The following CARD19 variants were observed in gnomAD, a reference collection of about 807,000 sequenced individuals.
CARD19 encodes the protein caspase recruitment domain-containing protein 19.
Under a neutral mutation model 24.1 loss-of-function variants are expected in CARD19, and 25 were observed. The ratio of observed to expected loss-of-function variants is 1.04; its 90% CI spans 0.76 to 1.45. The LOEUF is 1.45. CARD19 is among the 40% of genes most tolerant of loss of function. The pLI, the probability that CARD19 is intolerant of heterozygous loss-of-function variation, is 0.00. For missense variants in CARD19, 241 were observed against 247.4 expected (o/e 0.97, Z 0.17); for synonymous variants, 103 against 104.9 (o/e 0.98, Z 0.11).
rs145273328 is a variant in CARD19, at chr9:93,110,681, C to A, written c.264C>A (p.Ala88=). 408 of 1,613,184 alleles carry A rather than the reference C, an allele frequency of 2.5e-4. 1 individual carries two copies. The African/African-American group carries it at 4.0e-3, about 16-fold the overall frequency. Residue 88 remains alanine, a synonymous_variant, in exon 3 of 6, where the codon GCC becomes GCA. Coordinates refer to ENST00000375464, the MANE Select transcript of CARD19 (RefSeq NM_032310.5). Reference sequence around the variant, plus strand: ...TCTACCGAGCCCTGTATATCCATGCCCAGCCCCTGCACAGCCGCCTGCCCA... The same window carrying A: ...TCTACCGAGCCCTGTATATCCATGCACAGCCCCTGCACAGCCGCCTGCCCA... ...QEFYRALYIH[A]QPLHSRLPSR... is the part of the protein sequence containing the mutation.
chr9:93,110,063 A>T (rs544175281), intron 2 of CARD19: 1 of 159,604 alleles, frequency 6.3e-6, no homozygotes, highest in Non-Finnish European at 1.4e-5. Context: ...GCACGATCTT[A>T]GCTCACTGCA....
At position 93,107,801 on chromosome 9, in the gene CARD19, C is replaced by G. The variant is rs776834504; in HGVS notation, c.135C>G (p.Asn45Lys). 1.9e-6 allele frequency: 3 copies of G among 1,614,232 alleles called. No individual in the cohort carries two copies. Among genetic ancestry groups the G allele is most frequent in the Non-Finnish European group, 2.5e-6 (3 of 1,180,046 alleles). ...GTTACTACCCACAGATCCTTACCAA[C>G]AAGGAGGCGGAAAAGGTGCTGAGGA... ...LNRYYPQILT[N>K]KEAEKFRNPK... Residue 45 changes from asparagine (N) to lysine (K), a missense_variant, in exon 2 of 6, where the codon AAC becomes AAG. Transcript: ENST00000375464.
At chr9:93,112,383 C>A in intron 5 of CARD19, 94 bp downstream of exon 5, 1 of 988,986 alleles carries the variant, frequency 1.0e-6, no homozygotes, top group Non-Finnish European at 1.5e-6. Context: ...ACCCCTTGGC[C>A]TCTTCGTACC....
At position 93,113,242 on chromosome 9, in the gene CARD19, C is replaced by T; in HGVS notation, c.*135C>T. 1.7e-6 allele frequency: 1 copy of T among 597,202 alleles called. No homozygotes were observed. The highest frequency in any genetic ancestry group is 2.9e-6 in the Non-Finnish European group (1 of 342,604). 37.0% of individuals were successfully genotyped at this position (597,202 alleles called of 1,614,324 possible). A position where few individuals can be genotyped will look rare whatever the true frequency, so the allele number is the denominator to read the frequency against. ...AATTTGTGTAAAAAACACACCTTCA[C>T]CTTACAAGGTGCTGACCATATTAAA... On this transcript the variant is annotated 3_prime_UTR_variant, in exon 6 of 6. Transcript: ENST00000375464.
chr9:93,112,861 C>T, intron 5 of CARD19, 131 bp from the exon 6 acceptor site: 1 of 614,368 alleles, frequency 1.6e-6, no homozygotes, highest in Non-Finnish European at 2.8e-6. Context: ...TCAACTCAAG[C>T]CGAGACCATG....
At chr9:93,112,881 G>T in intron 5 of CARD19, 111 bp from the exon 6 acceptor site, 1 of 667,052 alleles carries the variant, frequency 1.5e-6, no homozygotes, top group Non-Finnish European at 2.6e-6. Flanking sequence ...GACCGGGAGG[G>T]AGCACCCTGT....
intron 1 of CARD19, among the ~76,000 whole-genome samples, chr9:93,105,881 G>A (rs1451774665): frequency 6.6e-6 from 1 of 152,014 alleles, no homozygotes; most frequent in Non-Finnish European, 1.5e-5. Flanking sequence ...TCTGTCTAGT[G>A]GTTCTGTCTC....
At chr9:93,103,989 T>A (rs1188659009) in intron 1 of CARD19, among the ~76,000 whole-genome samples, 2 of 152,238 alleles carry the variant, frequency 1.3e-5, no homozygotes, top group African/African-American at 4.8e-5. Flanking sequence ...CCATAGCATC[T>A]TCTAGACCTA....
At chr9:93,107,916 G>A in intron 2 of CARD19, 100 bp downstream of exon 2, 1 of 1,436,646 alleles carries the variant, frequency 7.0e-7, no homozygotes, top group Non-Finnish European at 9.6e-7. Flanking sequence ...TTCTCTCATG[G>A]GATGACACAC....
chr9:93,112,222 C>T lies in CARD19; in HGVS notation c.369C>T (p.Pro123=). 1 of 1,545,238 alleles carries T rather than the reference C, an allele frequency of 6.5e-7. No individual in the cohort carries two copies. Among genetic ancestry groups the T allele is most frequent in the Non-Finnish European group, 8.7e-7 (1 of 1,146,988 alleles). The change falls in exon 5 of 6, where the codon CCC becomes CCT. Residue 123 remains proline (P), a synonymous_variant. Coordinates refer to ENST00000375464, the MANE Select transcript of CARD19 (RefSeq NM_032310.5). ...TTCACGCTGGTTTCTCCCCAGGACC[C>T]ATGAGCTTCCTGGCTGGCCTGGGCC... ...SQSGELSNRG[P]MSFLAGLGLA...
chr9:93,109,312 CCA>C (rs5899171), intron 2 of CARD19, among the ~76,000 whole-genome samples: 66,603 of 151,780 alleles, frequency 0.44, 17,512 homozygotes, highest in East Asian at 0.63. Flanking sequence ...TGGTTTAACT[CCA>C]GTTCCCTGTG....
intron 5 of CARD19, 62 bp from the exon 6 acceptor site, chr9:93,112,930 G>A (rs901804799): frequency 8.2e-7 from 1 of 1,218,116 alleles, no homozygotes; most frequent in African/African-American, 1.5e-5. Context: ...AGGAGGGATG[G>A]AAACACAGAA....
chr9:93,109,549 C>T (rs1827384554), intron 2 of CARD19, among the ~76,000 whole-genome samples: 1 of 151,960 alleles, frequency 6.6e-6, no homozygotes, highest in South Asian at 2.1e-4. Flanking sequence ...TCAGTGCAAC[C>T]TCTGCCTCCC....
intron 3 of CARD19, chr9:93,111,295 C>A: frequency 8.7e-7 from 1 of 1,148,982 alleles, no homozygotes; most frequent in Non-Finnish European, 1.1e-6. Context: ...ATGCCAGTAG[C>A]CTGGGCCCAC....
Position 93,107,730 on chromosome 9 carries a change from C to T in CARD19, c.64C>T (p.Arg22Cys), listed in dbSNP as rs752611032. 1.2e-5 allele frequency: 20 copies of T among 1,614,090 alleles called. No homozygotes were observed. The East Asian group carries it at 1.6e-4, about 13-fold the overall frequency. Residue 22 changes from arginine to cysteine, a missense_variant, in exon 2 of 6, where the codon CGC (arginine) becomes TGC (cysteine). Transcript: ENST00000375464. ...CACGCCTTTCCTGACAGGCCATGGG[C>T]GCTTGAGTGAGCAGCAGGTGGACAG... ...QDTPFLTGHG[R>C]LSEQQVDRII...
chr9:93,096,437 G>A lies in CARD19; in HGVS notation c.7+85G>A. The A allele has an allele frequency of 2.6e-6, 3 of 1,168,316 alleles. No individual in the cohort carries two copies. The highest frequency in any genetic ancestry group is 3.2e-6 in the Non-Finnish European group (3 of 932,510). The allele number at this position is 1,168,316 out of a possible 1,614,324, so 72.4% of individuals were successfully genotyped here. The stretch of plus-strand genomic sequence containing the variant: ...CGGGGGTCCGGCTGCCTTGCGAGTC[G>A]CCTGCAGGCCGCGCCTGGGCAGCGG... On this transcript the variant is annotated intron_variant, in intron 1 of 5. Coordinates refer to ENST00000375464, the MANE Select transcript of CARD19 (RefSeq NM_032310.5). This position sits in a 1 kb window ranked among gnomAD's most constrained non-coding sequence, Gnocchi z 5.4.
rs529414482 is a variant in CARD19 at position 93,110,747 on chromosome 9, A to G, written c.304+26A>G. 4 of 1,602,234 alleles carry G rather than the reference A, an allele frequency of 2.5e-6. No individual in the cohort carries two copies. The East Asian group carries it at 9.0e-5, about 36-fold the overall frequency. ...GTAAGTTCCACATCACCAACCATGC[A>G]TGCTTGGTGCTGGCCCGGGGAGGGC... is the stretch of plus-strand genomic sequence containing the variant. On this transcript the variant is annotated intron_variant, in intron 3 of 5. Coordinates refer to ENST00000375464, the MANE Select transcript of CARD19 (RefSeq NM_032310.5).
intron 3 of CARD19, chr9:93,111,094 G>A (rs1475787478): frequency 1.6e-6 from 2 of 1,286,556 alleles, no homozygotes; most frequent in South Asian, 1.4e-5. Context: ...ACAGCTGCAT[G>A]GCGCTCCTAG....
At position 93,112,016 on chromosome 9, in the gene CARD19, G is replaced by A. The variant is rs546521205; in HGVS notation, c.364+78G>A. On this transcript the variant is annotated intron_variant, in intron 4 of 5. Coordinates refer to ENST00000375464, the MANE Select transcript of CARD19 (RefSeq NM_032310.5). ...TTACCCTCCCCAGGGCTCCATCTCC[G>A]CCTCAGGGGCTTCTCCACCCCAAGT... The A allele has an allele frequency of 5.5e-5, 83 of 1,522,582 alleles. No homozygotes were observed. In the Middle Eastern group the frequency reaches 6.9e-4, roughly 13 times the overall value. 94.3% of individuals were successfully genotyped at this position (1,522,582 alleles called of 1,614,324 possible). A position where few individuals can be genotyped will look rare whatever the true frequency, so the allele number is the denominator to read the frequency against.
Sources: allele counts gnomAD v4.1 joint callset (sites outside exome capture counted in the v4.1 genomes callset), GRCh38; gene constraint gnomAD v4.1.1; non-coding constraint Gnocchi (gnomAD v3.1); transcripts MANE v1.5; gene names NCBI Gene and HGNC (gene_info 2026-07-23, HGNC 2026-07-21).